The following FGF12 variants were observed in gnomAD, a reference collection of about 807,000 sequenced individuals.
FGF12 encodes the protein fibroblast growth factor 12B.
FGF12 carries 14 observed loss-of-function variants against 23.6 expected under a neutral mutation model. That is an observed-to-expected ratio of 0.59 (90% CI 0.39 to 0.93). FGF12 has a LOEUF of 0.93. Ranked by LOEUF, FGF12 falls within the 40% of genes least tolerant of loss-of-function variation. The probability of loss-of-function intolerance (pLI) is 0.00; values close to 1 mark genes in which losing one functional copy is unlikely to be tolerated. For missense variants in FGF12, 175 were observed against 217.8 expected, an observed-to-expected ratio of 0.80 and a Z score of 1.24; for synonymous variants, 62 against 77.3, an observed-to-expected ratio of 0.80 and a Z score of 1.04.
chr3:192,681,759 GT>G (rs202190536), intron 2 of FGF12, among the ~76,000 whole-genome samples: 1 of 91,990 alleles, frequency 1.1e-5, no homozygotes, highest in African/African-American at 5.2e-5. Context: ...GAGCAATGAT[GT>G]ATGCTCATCA....
chr3:192,408,445 C>T lies in FGF12; in HGVS notation c.14-47907G>A, dbSNP rs1721057922. 1 of 1,382,050 alleles carries T rather than the reference C, an allele frequency of 7.2e-7. No homozygotes were observed. The highest frequency in any genetic ancestry group is 9.3e-7 in the Non-Finnish European group (1 of 1,073,926). 85.6% of individuals were successfully genotyped at this position (1,382,050 alleles called of 1,614,324 possible). ...GTGAAAATCCAGATGTAAACTTCCC[C>T]AACCTCTGGCGGCCGGGGGGCGGGG... On this transcript the variant is annotated intron_variant, in intron 2 of 5. Coordinates refer to ENST00000445105, the MANE Select transcript of FGF12 (RefSeq NM_004113.6). The surrounding 1 kb of genome is among the most constrained non-coding windows in gnomAD (Gnocchi z 7.3).
intron 2 of FGF12, among the ~76,000 whole-genome samples, chr3:192,524,760 C>G (rs1184526551): frequency 6.6e-6 from 1 of 152,218 alleles, no homozygotes; most frequent in Admixed American, 6.5e-5. Flanking sequence ...TTTCTATCCT[C>G]TCTTTTTTCC....
At chr3:192,606,350 A>G (rs1045341989) in intron 2 of FGF12, among the ~76,000 whole-genome samples, 1 of 152,094 alleles carries the variant, frequency 6.6e-6, no homozygotes, top group African/African-American at 2.4e-5. Flanking sequence ...GACGGCCGTA[A>G]CTGACACTGA....
chr3:192,408,365 C>A lies in FGF12; in HGVS notation c.14-47827G>T, dbSNP rs907426639. 3.2e-5 allele frequency: 46 copies of A among 1,420,610 alleles called. 1 individual carries two copies. The highest frequency in any genetic ancestry group is 3.2e-5 in the Non-Finnish European group (35 of 1,091,410). The allele number at this position is 1,420,610 out of a possible 1,614,324, so 88.0% of individuals were successfully genotyped here. A position where few individuals can be genotyped will look rare whatever the true frequency, so the allele number is the denominator to read the frequency against. ...CTAAAATTTGAGGAGGCTGCAGTATCGAAAACCCGGCGCTCACAAGGTTAG... is the reference window on the plus strand; with the variant it reads ...CTAAAATTTGAGGAGGCTGCAGTATAGAAAACCCGGCGCTCACAAGGTTAG... On this transcript the variant is annotated intron_variant, in intron 2 of 5. Coordinates refer to ENST00000445105, the MANE Select transcript of FGF12 (RefSeq NM_004113.6). The surrounding 1 kb of genome is among the most constrained non-coding windows in gnomAD (Gnocchi z 7.3).
intron 4 of FGF12, among the ~76,000 whole-genome samples, chr3:192,190,994 C>A (rs1414130972): frequency 6.6e-6 from 1 of 152,102 alleles, no homozygotes; most frequent in African/African-American, 2.4e-5. Context: ...TTTAGGCTAT[C>A]CTAAGAGTGA....
chr3:192,466,648 T>A (rs1227059988), intron 2 of FGF12, among the ~76,000 whole-genome samples: 2 of 152,216 alleles, frequency 1.3e-5, no homozygotes, highest in East Asian at 3.8e-4. Context: ...TTACCACCAA[T>A]TTTACCTTAA....
intron 2 of FGF12, among the ~76,000 whole-genome samples, chr3:192,544,736 G>T (rs949740246): frequency 3.3e-5 from 5 of 152,060 alleles, no homozygotes; most frequent in Non-Finnish European, 7.4e-5. Context: ...GCACTATACT[G>T]TAGGTTTTAA....
intron 2 of FGF12, among the ~76,000 whole-genome samples, chr3:192,385,245 A>G (rs944881847): frequency 6.6e-6 from 1 of 152,078 alleles, no homozygotes; most frequent in Non-Finnish European, 1.5e-5. Context: ...ATGTTACAAC[A>G]TATCCTAAAT....
chr3:192,531,986 C>G (rs144843304), intron 2 of FGF12, among the ~76,000 whole-genome samples: 4 of 152,298 alleles, frequency 2.6e-5, no homozygotes, highest in African/African-American at 9.6e-5. Flanking sequence ...GTTTTCCCAG[C>G]AACATTTATT....
chr3:192,318,865 T>C (rs1716377965), intron 4 of FGF12, among the ~76,000 whole-genome samples: 1 of 151,878 alleles, frequency 6.6e-6, no homozygotes, highest in Admixed American at 6.6e-5. Flanking sequence ...ACAAAAAACA[T>C]ACAATGGAGC....
intron 2 of FGF12, among the ~76,000 whole-genome samples, chr3:192,449,603 A>C (rs1722462391): frequency 6.6e-6 from 1 of 152,086 alleles, no homozygotes; most frequent in South Asian, 2.1e-4. Context: ...AGGCTTCTCT[A>C]TCCCTTGGTT....
intron 2 of FGF12, among the ~76,000 whole-genome samples, chr3:192,362,619 A>G (rs1272593558): frequency 6.6e-6 from 1 of 152,148 alleles, no homozygotes; most frequent in African/African-American, 2.4e-5. Context: ...GCCCCGATCA[A>G]CTCATCTAAC....
At chr3:192,570,230 G>A (rs185825518) in intron 2 of FGF12, among the ~76,000 whole-genome samples, 1 of 152,048 alleles carries the variant, frequency 6.6e-6, no homozygotes, top group Non-Finnish European at 1.5e-5. Flanking sequence ...TGTTTTCCAT[G>A]GGGGGGAGGG....
In FGF12 at chr3:192,408,552, G is replaced by A. The variant is rs1294750547; in HGVS notation, c.14-48014C>T. 1.7e-6 allele frequency: 2 copies of A among 1,157,912 alleles called. No homozygotes were observed. Among genetic ancestry groups the A allele is most frequent in the African/African-American group, 1.6e-5 (1 of 62,244 alleles). 71.7% of individuals were successfully genotyped at this position (1,157,912 alleles called of 1,614,324 possible). Reference sequence around the variant, plus strand: ...CAAGGCGATCGGCGTCCAAGGGGCAGTGGGGAGTTTAGTCACACTGCGTTC... The same window carrying A: ...CAAGGCGATCGGCGTCCAAGGGGCAATGGGGAGTTTAGTCACACTGCGTTC... On this transcript the variant is annotated intron_variant, in intron 2 of 5. Coordinates refer to ENST00000445105, the MANE Select transcript of FGF12 (RefSeq NM_004113.6). This position sits in a 1 kb window ranked among gnomAD's most constrained non-coding sequence, Gnocchi z 7.3.
rs1576986624 is a variant in FGF12, at chr3:192,444,953, A to T, written c.14-84415T>A. Among the ~76,000 whole-genome samples, 3 of 152,318 alleles carry T rather than the reference A, an allele frequency of 2.0e-5. No homozygotes were observed. In the East Asian group the frequency reaches 5.8e-4, roughly 29 times the overall value. ...GTAGCTTCGCTTCTTTAAATAAAAGATTTGTAACAGAAATTTAAAGAAAGA... is the reference window on the plus strand; with the variant it reads ...GTAGCTTCGCTTCTTTAAATAAAAGTTTTGTAACAGAAATTTAAAGAAAGA... On this transcript the variant is annotated intron_variant, in intron 2 of 5. Coordinates refer to ENST00000445105, the MANE Select transcript of FGF12 (RefSeq NM_004113.6).
chr3:192,476,801 T>G (rs2108816774), intron 2 of FGF12, among the ~76,000 whole-genome samples: 1 of 152,072 alleles, frequency 6.6e-6, no homozygotes, highest in South Asian at 2.1e-4. Flanking sequence ...TGTAAATGAG[T>G]TTGGATGATC....
Position 192,580,145 on chromosome 3 carries a change from G to A in FGF12, c.13+147036C>T, listed in dbSNP as rs964917756. Among the ~76,000 whole-genome samples the A allele has an allele frequency of 7.9e-5, 12 of 152,068 alleles. No individual in the cohort carries two copies. The South Asian group carries it at 1.5e-3, about 18-fold the overall frequency. ...TTTTTAGAAATCCAAGACATACAAC[G>A]TTGTAGCTTACTCTTTATTTGCTTA... On this transcript the variant is annotated intron_variant, in intron 2 of 5. Transcript: ENST00000445105.
chr3:192,324,453 T>G (rs1030552073), intron 4 of FGF12, among the ~76,000 whole-genome samples: 3 of 152,232 alleles, frequency 2.0e-5, no homozygotes, highest in African/African-American at 4.8e-5. Flanking sequence ...TTACTGCTTA[T>G]GGCTAACACT....
intron 2 of FGF12, among the ~76,000 whole-genome samples, chr3:192,436,646 C>T (rs1038589364): frequency 6.6e-6 from 1 of 152,154 alleles, no homozygotes; most frequent in Admixed American, 6.5e-5. Context: ...GGTTAGATTG[C>T]ACAATGTCAG....
Sources: gnomAD v4.1 joint callset for allele counts (sites outside exome capture counted in the v4.1 genomes callset) on GRCh38, gnomAD v4.1.1 for gene constraint, Gnocchi (gnomAD v3.1) non-coding constraint, MANE v1.5 for transcripts, NCBI Gene and HGNC (gene_info 2026-07-23, HGNC 2026-07-21) for gene names.